KSR2: variants seen among roughly 807,000 people sequenced by gnomAD.
KSR2 encodes kinase suppressor of ras 2.
A neutral mutation model predicts 107.8 loss-of-function variants in KSR2; 25 were observed. That is an observed-to-expected ratio of 0.23 (90% CI 0.17 to 0.32). The LOEUF is 0.32. KSR2 is among the 10% of genes least tolerant of loss of function. The pLI is 1.00. For missense variants in KSR2, 887 were observed against 1,268.9 expected (o/e 0.70, Z 4.57); for synonymous variants, 480 against 507.0 (o/e 0.95, Z 0.71).
rs561320627 is a variant in KSR2, at chr12:117,968,311, G to GC, written c.-57_-56insG. On this transcript the variant is annotated 5_prime_UTR_variant, in exon 1 of 20. Transcript: ENST00000339824. ...CTCCTCCCAGAGAGAAAAAAGAGGG[G>GC]GGGGAGTAGAGGTAGTCTACCCTCC... is the stretch of plus-strand genomic sequence containing the variant. The GC allele has an allele frequency of 6.9e-6, 10 of 1,456,372 alleles. 3 individuals are homozygous for GC. The highest frequency in any genetic ancestry group is 2.9e-5 in the African/African-American group (2 of 69,418). 90.2% of individuals were successfully genotyped at this position (1,456,372 alleles called of 1,614,324 possible).
chr12:117,586,835 G>A (rs756420173), intron 5 of KSR2, among the ~76,000 whole-genome samples: 5 of 152,206 alleles, frequency 3.3e-5, no homozygotes, highest in Middle Eastern at 3.4e-3. Context: ...AAGTTATCCC[G>A]ACTGCCCAAG....
intron 9 of KSR2, among the ~76,000 whole-genome samples, chr12:117,549,818 A>C (rs914779247): frequency 2.6e-5 from 4 of 152,178 alleles, no homozygotes; most frequent in African/African-American, 9.7e-5. Flanking sequence ...GAAAGGAAGA[A>C]AGGATAGAGG....
intron 1 of KSR2, among the ~76,000 whole-genome samples, chr12:117,928,867 G>GCAGGTAATTTGC (rs1895614841): frequency 1.3e-5 from 2 of 151,932 alleles, no homozygotes; most frequent in African/African-American, 4.8e-5. Flanking sequence ...CCAGAGATTG[G>GCAGGTAATTTGC]CTACGACATC....
intron 3 of KSR2, among the ~76,000 whole-genome samples, chr12:117,779,656 C>T (rs1329116795): frequency 6.6e-6 from 1 of 152,080 alleles, no homozygotes; most frequent in East Asian, 1.9e-4. Context: ...TGAGTGAGTT[C>T]TCATGAGATC....
At chr12:117,471,721 A>G (rs1359193357) in intron 17 of KSR2, among the ~76,000 whole-genome samples, 1 of 152,230 alleles carries the variant, frequency 6.6e-6, no homozygotes, top group Non-Finnish European at 1.5e-5. Context: ...GGTTATATGC[A>G]TTATGGTAAA....
At chr12:117,662,245 A>C (rs905232997) in intron 5 of KSR2, among the ~76,000 whole-genome samples, 18 of 152,204 alleles carry the variant, frequency 1.2e-4, no homozygotes, top group Non-Finnish European at 2.4e-4. Flanking sequence ...TTCTGAGACA[A>C]GACTGTGGTT....
At chr12:117,699,493 C>T (rs1886212318) in intron 4 of KSR2, among the ~76,000 whole-genome samples, 2 of 152,194 alleles carry the variant, frequency 1.3e-5, no homozygotes, top group African/African-American at 4.8e-5. Context: ...TAGCCTATTG[C>T]TTCCAGGCTA....
chr12:117,839,638 G>A (rs1268917962), intron 3 of KSR2, among the ~76,000 whole-genome samples: 1 of 152,184 alleles, frequency 6.6e-6, no homozygotes, highest in East Asian at 1.9e-4. Context: ...GCAACTACAA[G>A]ATAACTGCCC....
At chr12:117,943,998 G>A (rs1593391463) in intron 1 of KSR2, among the ~76,000 whole-genome samples, 1 of 152,114 alleles carries the variant, frequency 6.6e-6, no homozygotes, top group Non-Finnish European at 1.5e-5. Context: ...CACCATGATT[G>A]TGCCTTTCAC....
chr12:117,916,380 G>T (rs189766436), intron 1 of KSR2, among the ~76,000 whole-genome samples: 93 of 151,812 alleles, frequency 6.1e-4, no homozygotes, highest in African/African-American at 2.2e-3. Flanking sequence ...CAGGTGATCC[G>T]CCCGCCTCAT....
In KSR2 at chr12:117,792,870, CCAA is replaced by C. The variant is rs1481194433; in HGVS notation, c.473-31349_473-31347del. Reference sequence around the variant, plus strand: ...TTGGTTTGCATTGTGTGCACACACACCAACATGCACACACACACAACATGCAGA... The same window carrying C: ...TTGGTTTGCATTGTGTGCACACACACCATGCACACACACACAACATGCAGA... On this transcript the variant is annotated intron_variant, in intron 3 of 19. Transcript: ENST00000339824. Among the ~76,000 whole-genome samples, 6 of 152,090 alleles carry C rather than the reference CCAA, an allele frequency of 3.9e-5. No individual in the cohort carries two copies. The East Asian group carries it at 7.7e-4, about 20-fold the overall frequency.
intron 14 of KSR2, among the ~76,000 whole-genome samples, chr12:117,515,447 C>T (rs1280391784): frequency 6.6e-6 from 1 of 151,998 alleles, no homozygotes; most frequent in Admixed American, 6.6e-5. Context: ...ATCCATTCAA[C>T]AAGTATGTAT....
intron 3 of KSR2, among the ~76,000 whole-genome samples, chr12:117,779,988 T>C (rs1566010788): frequency 6.6e-6 from 1 of 152,174 alleles, no homozygotes; most frequent in East Asian, 1.9e-4. Context: ...GATCTGAAGA[T>C]GCACAGTCTC....
chr12:117,669,064 A>G (rs1884791963), intron 4 of KSR2, among the ~76,000 whole-genome samples: 1 of 152,166 alleles, frequency 6.6e-6, no homozygotes, highest in Middle Eastern at 3.2e-3. Flanking sequence ...TCTAATCTCA[A>G]TCCTACACAC....
At chr12:117,706,844 A>G (rs1886549033) in intron 4 of KSR2, among the ~76,000 whole-genome samples, 1 of 152,234 alleles carries the variant, frequency 6.6e-6, no homozygotes, top group Non-Finnish European at 1.5e-5. Flanking sequence ...AATAAAATAT[A>G]CATTGTAATA....
chr12:117,707,748 T>C (rs1451328778), intron 4 of KSR2, among the ~76,000 whole-genome samples: 3 of 152,188 alleles, frequency 2.0e-5, no homozygotes, highest in African/African-American at 7.2e-5. Context: ...TCATCTAGAC[T>C]AGCCTCACAG....
chr12:117,725,076 TCTCTCTCTCA>T (rs1205406844), intron 4 of KSR2, among the ~76,000 whole-genome samples: 1 of 134,488 alleles, frequency 7.4e-6, no homozygotes, highest in African/African-American at 2.7e-5. Context: ...TCTCTCTCTC[TCTCTCTCTCA>T]CACACACACA....
intron 4 of KSR2, among the ~76,000 whole-genome samples, chr12:117,697,847 A>G (rs1237622260): frequency 6.6e-6 from 1 of 152,116 alleles, no homozygotes; most frequent in Non-Finnish European, 1.5e-5. Flanking sequence ...AGAATGTAAT[A>G]TGATATGGAA....
At chr12:117,588,808 T>C (rs935242264) in intron 5 of KSR2, among the ~76,000 whole-genome samples, 1 of 152,224 alleles carries the variant, frequency 6.6e-6, no homozygotes, top group Non-Finnish European at 1.5e-5. Context: ...AGCTTCAGTG[T>C]TCTCAGGCAA....
Sources: gnomAD v4.1 joint callset for allele counts (sites outside exome capture counted in the v4.1 genomes callset) on GRCh38, gnomAD v4.1.1 for gene constraint, MANE v1.5 for transcripts, NCBI Gene and HGNC (gene_info 2026-07-23, HGNC 2026-07-21) for gene names.